Variants in NME7 observed in about 807,000 individuals in gnomAD.
NME7 encodes the protein NME/NM23 family member 7.
NME7 carries 41 observed loss-of-function variants against 49.1 expected under a neutral mutation model. The ratio of observed to expected loss-of-function variants is 0.83; its 90% CI spans 0.65 to 1.08. NME7 has a LOEUF of 1.08. NME7 is among the 50% of genes least tolerant of loss of function. The pLI is 0.00. For missense variants in NME7, 423 were observed against 463.4 expected (o/e 0.91, Z 0.80); for synonymous variants, 139 against 150.6 (o/e 0.92, Z 0.56).
chr1:169,197,516 T>C (rs1660422036), intron 10 of NME7, among the ~76,000 whole-genome samples: 1 of 152,126 alleles, frequency 6.6e-6, no homozygotes, highest in Non-Finnish European at 1.5e-5. Flanking sequence ...GATAGACATA[T>C]GGATTAATGG....
intron 1 of NME7, among the ~76,000 whole-genome samples, chr1:169,349,725 A>T (rs1653081976): frequency 6.6e-6 from 1 of 152,056 alleles, no homozygotes; most frequent in South Asian, 2.1e-4. Context: ...CTCCTTACAA[A>T]TTTTCCAAAA....
intron 10 of NME7, among the ~76,000 whole-genome samples, chr1:169,214,367 C>A (rs1283239202): frequency 1.3e-5 from 2 of 152,202 alleles, no homozygotes; most frequent in African/African-American, 4.8e-5. Flanking sequence ...TGAAACATGA[C>A]TATAGAACCC....
chr1:169,147,918 A>G (rs1658805479), intron 11 of NME7, among the ~76,000 whole-genome samples: 1 of 152,254 alleles, frequency 6.6e-6, no homozygotes, highest in African/African-American at 2.4e-5. Context: ...TTTCACAATT[A>G]TCTCACAGAA....
chr1:169,184,297 A>C (rs993075907), intron 10 of NME7, among the ~76,000 whole-genome samples: 4 of 152,272 alleles, frequency 2.6e-5, no homozygotes, highest in African/African-American at 9.6e-5. Flanking sequence ...AAAATAAATA[A>C]CTTTGAACTT....
At chr1:169,248,196 T>A (rs1648404160) in intron 7 of NME7, among the ~76,000 whole-genome samples, 1 of 152,024 alleles carries the variant, frequency 6.6e-6, no homozygotes, top group African/African-American at 2.4e-5. Context: ...TAAGGCAGTA[T>A]CTCATTGTAT....
chr1:169,351,226 C>A (rs1312627056), intron 1 of NME7, among the ~76,000 whole-genome samples: 1 of 152,020 alleles, frequency 6.6e-6, no homozygotes, highest in Non-Finnish European at 1.5e-5. Context: ...TCCAGTGATA[C>A]ATCATAACCT....
intron 7 of NME7, among the ~76,000 whole-genome samples, chr1:169,283,481 T>C (rs1650123625): frequency 6.6e-6 from 1 of 152,234 alleles, no homozygotes; most frequent in African/African-American, 2.4e-5. Flanking sequence ...AATTTGATCC[T>C]GTCATTATGA....
chr1:169,167,850 G>A (rs1055971037), intron 11 of NME7, among the ~76,000 whole-genome samples: 1 of 152,104 alleles, frequency 6.6e-6, no homozygotes, highest in Admixed American at 6.6e-5. Context: ...GTTAATAAAG[G>A]TGACCAAAAT....
intron 3 of NME7, among the ~76,000 whole-genome samples, chr1:169,318,608 T>C (rs12071302): frequency 0.015 from 2,209 of 152,312 alleles, 57 homozygotes; most frequent in African/African-American, 0.05. Flanking sequence ...ATTTGTCAAT[T>C]AATTCAATTT....
At chr1:169,213,924 T>G (rs958665266) in intron 10 of NME7, among the ~76,000 whole-genome samples, 2 of 152,084 alleles carry the variant, frequency 1.3e-5, no homozygotes, top group Non-Finnish European at 2.9e-5. Flanking sequence ...GATTACCCAG[T>G]GCTATACATT....
At position 169,181,134 on chromosome 1, in the gene NME7, T is replaced by TATCTATC. The variant is rs1553243264; in HGVS notation, c.991-11581_991-11580insGATAGAT. On this transcript the variant is annotated intron_variant, in intron 10 of 11. Transcript: ENST00000367811. ...CATCCTAGGCTATAATCCTATCTAT[T>TATCTATC]TATCTATCTATCTATCTATCTATCT... Among the ~76,000 whole-genome samples, 460 of 124,096 alleles carry TATCTATC rather than the reference T, an allele frequency of 3.7e-3. 4 individuals are homozygous for TATCTATC. Among genetic ancestry groups the TATCTATC allele is most frequent in the East Asian group, 0.022 (106 of 4,808 alleles). The allele number at this position is 124,096 out of a possible 152,430, so 81.4% of individuals were successfully genotyped here.
chr1:169,296,804 A>G (rs1159095704), intron 6 of NME7, among the ~76,000 whole-genome samples: 3 of 152,018 alleles, frequency 2.0e-5, no homozygotes, highest in Non-Finnish European at 2.9e-5. Flanking sequence ...TCTACATTCA[A>G]TCTAGCAGAA....
intron 6 of NME7, among the ~76,000 whole-genome samples, chr1:169,297,122 C>T (rs949410249): frequency 2.6e-5 from 4 of 152,020 alleles, no homozygotes; most frequent in Admixed American, 6.5e-5. Context: ...TACAGGTGGG[C>T]GCCACCACAC....
At chr1:169,155,216 A>G (rs1659032910) in intron 11 of NME7, among the ~76,000 whole-genome samples, 1 of 60,010 alleles carries the variant, frequency 1.7e-5, no homozygotes, top group East Asian at 2.7e-3. Flanking sequence ...AAAATTATCA[A>G]TCAAAGACTC....
At chr1:169,310,189 G>T in intron 3 of NME7, 109 bp from the exon 4 acceptor site, 1 of 673,310 alleles carries the variant, frequency 1.5e-6, no homozygotes, top group South Asian at 1.9e-5. Context: ...ATCAAAATTT[G>T]AAATTAATTG....
chr1:169,200,449 G>C (rs1324655194), intron 10 of NME7, among the ~76,000 whole-genome samples: 1 of 151,976 alleles, frequency 6.6e-6, no homozygotes, highest in Non-Finnish European at 1.5e-5. Context: ...TTAACATCTG[G>C]GGCCTTATTG....
chr1:169,163,849 A>G lies in NME7; in HGVS notation c.1098+5598T>C, dbSNP rs1224376021. ...ATCTTGGCCAGGCGTGGTAGCTTAC[A>G]TCTGTAATCCCAGCACTTTGGGAAG... On this transcript the variant is annotated intron_variant, in intron 11 of 11. Transcript: ENST00000367811. Among the ~76,000 whole-genome samples, 3 of 152,134 alleles carry G rather than the reference A, an allele frequency of 2.0e-5. No individual in the cohort carries two copies. In the East Asian group the frequency reaches 5.8e-4, roughly 29 times the overall value.
chr1:169,341,045 G>T lies in NME7; in HGVS notation c.4-16545C>A, dbSNP rs9628661. On this transcript the variant is annotated intron_variant, in intron 1 of 11. Coordinates refer to ENST00000367811, the MANE Select transcript of NME7 (RefSeq NM_013330.5). The stretch of plus-strand genomic sequence containing the variant: ...GAAATTTGCATAAAAAATGAGGAAC[G>T]GAATGTTAATACCAAGACAATGGGG... Among the ~76,000 whole-genome samples the T allele has an allele frequency of 5.9e-3, 897 of 152,266 alleles. 9 individuals carry two copies. The highest frequency in any genetic ancestry group is 0.014 in the Middle Eastern group (4 of 294).
At chr1:169,189,551 T>A (rs1660159720) in intron 10 of NME7, among the ~76,000 whole-genome samples, 1 of 152,146 alleles carries the variant, frequency 6.6e-6, no homozygotes, top group African/African-American at 2.4e-5. Context: ...ACACAACAAA[T>A]TAGCATACTA....
Sources: allele counts gnomAD v4.1 joint callset (sites outside exome capture counted in the v4.1 genomes callset), GRCh38; gene constraint gnomAD v4.1.1; transcripts MANE v1.5; gene names NCBI Gene and HGNC (gene_info 2026-07-23, HGNC 2026-07-21).